The following PDE4B variants were observed in gnomAD, a reference collection of about 807,000 sequenced individuals.
PDE4B encodes phosphodiesterase 4B, also known as 3',5'-cyclic-AMP phosphodiesterase 4B.
PDE4B carries 20 observed loss-of-function variants against 82.2 expected under a neutral mutation model. The observed-to-expected ratio is 0.24, with a 90% confidence interval of 0.17 to 0.35. The LOEUF (loss-of-function observed/expected upper bound fraction) is 0.35. Among genes scored for constraint, PDE4B ranks in the 10% least tolerant of loss-of-function variants. PDE4B has a pLI of 1.00. For synonymous variants in PDE4B, 320 were observed against 318.9 expected, an observed-to-expected ratio of 1.00 and a Z score of -0.04; for missense variants, 655 against 907.2, an observed-to-expected ratio of 0.72 and a Z score of 3.57.
intron 3 of PDE4B, among the ~76,000 whole-genome samples, chr1:66,231,488 C>A (rs1353011909): frequency 6.6e-6 from 1 of 152,194 alleles, no homozygotes; most frequent in East Asian, 1.9e-4. Context: ...GAGTTATTGA[C>A]AGAGCTGAGA....
At chr1:66,209,107 T>G (rs538837923) in intron 3 of PDE4B, among the ~76,000 whole-genome samples, 1 of 152,206 alleles carries the variant, frequency 6.6e-6, no homozygotes, top group Admixed American at 6.5e-5. Context: ...TAGACCTTTT[T>G]CATTTGTGTT....
chr1:66,265,917 T>G, intron 6 of PDE4B, 121 bp from the exon 7 acceptor site: 1 of 729,668 alleles, frequency 1.4e-6, no homozygotes, highest in Non-Finnish European at 2.5e-6. Context: ...GATGGCATTA[T>G]GTCACTACAT....
intron 1 of PDE4B, among the ~76,000 whole-genome samples, chr1:65,887,154 C>T (rs1646788150): frequency 7.6e-6 from 1 of 130,776 alleles, no homozygotes; most frequent in African/African-American, 3.1e-5. Context: ...CCTTTCCTTT[C>T]CTTCCTTCCT....
At chr1:66,053,538 T>C (rs1417326699) in intron 3 of PDE4B, among the ~76,000 whole-genome samples, 1 of 152,162 alleles carries the variant, frequency 6.6e-6, no homozygotes, top group African/African-American at 2.4e-5. Flanking sequence ...TAGAGTAACC[T>C]GGCCAAGGTC....
chr1:66,321,608 C>A (rs946847041), intron 7 of PDE4B, among the ~76,000 whole-genome samples: 2 of 152,100 alleles, frequency 1.3e-5, no homozygotes, highest in African/African-American at 4.8e-5. Context: ...TTCAAGATGG[C>A]CCCTTGTTTA....
At chr1:66,126,026 G>T (rs1267607835) in intron 3 of PDE4B, among the ~76,000 whole-genome samples, 1 of 151,980 alleles carries the variant, frequency 6.6e-6, no homozygotes, top group Non-Finnish European at 1.5e-5. Context: ...GGCTGGTCTC[G>T]AACTCCTGAC....
rs184426857 is a variant in PDE4B, at chr1:66,048,510, G to A, written c.281+129675G>A. Among the ~76,000 whole-genome samples, 222 of 152,038 alleles carry A rather than the reference G, an allele frequency of 1.5e-3. 2 individuals carry two copies. Among genetic ancestry groups the A allele is most frequent in the African/African-American group, 5.0e-3 (208 of 41,516 alleles). On this transcript the variant is annotated intron_variant, in intron 3 of 16. Transcript: ENST00000341517. ...ATGCTTTAAAATAATTATCTGGAAG[G>A]TGTAACTTTCATGCTAAACATGATT...
chr1:66,132,472 GATGGCA>G (rs1008422208), intron 3 of PDE4B, among the ~76,000 whole-genome samples: 28 of 152,316 alleles, frequency 1.8e-4, no homozygotes, highest in Non-Finnish European at 2.5e-4. Flanking sequence ...CGTATTTTGT[GATGGCA>G]ATGAATGTGG....
chr1:66,188,321 G>A (rs1160786697), intron 3 of PDE4B, among the ~76,000 whole-genome samples: 1 of 150,806 alleles, frequency 6.6e-6, no homozygotes, highest in African/African-American at 2.4e-5. Context: ...GTTGATTTGG[G>A]GTGGAGAGTT....
intron 3 of PDE4B, among the ~76,000 whole-genome samples, chr1:66,091,167 T>G (rs1645015994): frequency 6.6e-6 from 1 of 151,972 alleles, no homozygotes; most frequent in African/African-American, 2.4e-5. Context: ...CGAGACACCC[T>G]AGGTTTAAAA....
At chr1:66,106,609 T>C (rs1645363445) in intron 3 of PDE4B, among the ~76,000 whole-genome samples, 1 of 151,656 alleles carries the variant, frequency 6.6e-6, no homozygotes, top group African/African-American at 2.4e-5. Flanking sequence ...ATTGCCACAA[T>C]TTCAGAGCCT....
chr1:66,174,421 A>G (rs1441028439), intron 3 of PDE4B, among the ~76,000 whole-genome samples: 1 of 152,168 alleles, frequency 6.6e-6, no homozygotes, highest in African/African-American at 2.4e-5. Flanking sequence ...CTTAACCTAA[A>G]ACAGTGTTGC....
chr1:66,267,867 C>A (rs895098016), intron 7 of PDE4B, among the ~76,000 whole-genome samples: 6 of 152,156 alleles, frequency 3.9e-5, no homozygotes, highest in African/African-American at 1.4e-4. Flanking sequence ...TTAAATAAGT[C>A]AGGCAGATTT....
chr1:65,793,434 C>T (rs990498646), intron 1 of PDE4B, among the ~76,000 whole-genome samples, 186 bp downstream of exon 1: 3 of 152,218 alleles, frequency 2.0e-5, no homozygotes, highest in Admixed American at 6.5e-5. Flanking sequence ...AATCCGCCAA[C>T]CGGCCCCTAG....
intron 3 of PDE4B, among the ~76,000 whole-genome samples, chr1:65,937,410 C>T (rs1648212388): frequency 1.3e-5 from 2 of 152,312 alleles, no homozygotes; most frequent in South Asian, 2.1e-4. Flanking sequence ...TTGACAGTCG[C>T]ATGAGGCTTT....
chr1:65,900,191 C>A (rs912390878), intron 1 of PDE4B, among the ~76,000 whole-genome samples: 1 of 151,882 alleles, frequency 6.6e-6, no homozygotes. Flanking sequence ...TAGCCAGTTA[C>A]GCCAGCACCA....
At chr1:66,296,418 A>G (rs532988573) in intron 7 of PDE4B, among the ~76,000 whole-genome samples, 45 of 152,282 alleles carry the variant, frequency 3.0e-4, no homozygotes, top group African/African-American at 1.0e-3. Flanking sequence ...GCTGACCCTC[A>G]TTGCAATTCT....
intron 3 of PDE4B, among the ~76,000 whole-genome samples, chr1:66,106,489 A>T (rs1369272388): frequency 2.0e-5 from 3 of 151,540 alleles, no homozygotes; most frequent in African/African-American, 7.3e-5. Context: ...TTTTCTACTG[A>T]TTTGAATAGT....
intron 1 of PDE4B, among the ~76,000 whole-genome samples, chr1:65,873,680 T>C (rs1243456255): frequency 1.3e-5 from 2 of 152,182 alleles, no homozygotes; most frequent in Non-Finnish European, 2.9e-5. Flanking sequence ...TTTAGTTGAG[T>C]ATATGGAATG....
Sources: allele counts gnomAD v4.1 joint callset (sites outside exome capture counted in the v4.1 genomes callset), GRCh38; gene constraint gnomAD v4.1.1; transcripts MANE v1.5; gene names NCBI Gene and HGNC (gene_info 2026-07-23, HGNC 2026-07-21).